The following SMYD3 variants were observed in gnomAD, a reference collection of about 807,000 sequenced individuals.
SMYD3 encodes the protein SET and MYND domain containing 3, also known as histone-lysine N-methyltransferase SMYD3.
A neutral mutation model predicts 57.7 loss-of-function variants in SMYD3; 36 were observed. The observed-to-expected ratio is 0.62, with a 90% CI of 0.48 to 0.82. The LOEUF is 0.82. Among genes scored for constraint, SMYD3 ranks in the 40% least tolerant of loss-of-function variants. The pLI, the probability that SMYD3 is intolerant of heterozygous loss-of-function variation, is 0.00. For missense variants in SMYD3, 515 were observed against 538.8 expected (o/e 0.96, Z 0.44); for synonymous variants, 211 against 195.0 (o/e 1.08, Z -0.68).
At chr1:246,154,763 T>A (rs1382142570) in intron 5 of SMYD3, among the ~76,000 whole-genome samples, 1 of 152,010 alleles carries the variant, frequency 6.6e-6, no homozygotes, top group Non-Finnish European at 1.5e-5. Flanking sequence ...AACAATGTTT[T>A]TTTTTTGTTT....
At chr1:246,320,395 AAAG>A (rs1239856513) in intron 5 of SMYD3, among the ~76,000 whole-genome samples, 1 of 152,202 alleles carries the variant, frequency 6.6e-6, no homozygotes, top group African/African-American at 2.4e-5. Context: ...AATTTGAAAG[AAAG>A]AAGGAGAGAA....
At chr1:246,401,451 A>C (rs2066767452) in intron 1 of SMYD3, among the ~76,000 whole-genome samples, 1 of 151,932 alleles carries the variant, frequency 6.6e-6, no homozygotes, top group Non-Finnish European at 1.5e-5. Flanking sequence ...CTCCTGCCTC[A>C]GCCTACCAAG....
At chr1:245,812,453 A>T (rs1180042452) in intron 10 of SMYD3, among the ~76,000 whole-genome samples, 1 of 152,188 alleles carries the variant, frequency 6.6e-6, no homozygotes, top group Admixed American at 6.5e-5. Flanking sequence ...ACCGTCAGGA[A>T]GACATTGGTC....
chr1:245,815,069 C>T (rs187500574), intron 10 of SMYD3, among the ~76,000 whole-genome samples: 10 of 152,280 alleles, frequency 6.6e-5, no homozygotes, highest in South Asian at 2.1e-4. Context: ...TTGATCCATC[C>T]GCTAAATCTT....
intron 5 of SMYD3, among the ~76,000 whole-genome samples, chr1:246,083,505 G>C (rs946389463): frequency 1.1e-4 from 2 of 17,700 alleles, no homozygotes; most frequent in African/African-American, 4.1e-4. Flanking sequence ...TCAGAGGCTG[G>C]TGCCGGCGCG....
At chr1:246,444,413 C>T (rs938293327) in intron 1 of SMYD3, among the ~76,000 whole-genome samples, 10 of 152,148 alleles carry the variant, frequency 6.6e-5, no homozygotes, top group East Asian at 1.9e-4. Context: ...CATGAGCCAT[C>T]GCGCCCAGCC....
At chr1:246,504,441 ATG>A (rs1447295847) in intron 1 of SMYD3, among the ~76,000 whole-genome samples, 1 of 152,232 alleles carries the variant, frequency 6.6e-6, no homozygotes, top group African/African-American at 2.4e-5. Context: ...CTGTAAAACA[ATG>A]GTAAGTATTT....
intron 5 of SMYD3, among the ~76,000 whole-genome samples, chr1:246,248,438 A>G (rs1055953049): frequency 6.6e-6 from 1 of 152,064 alleles, no homozygotes; most frequent in Non-Finnish European, 1.5e-5. Context: ...GACTTTTTGG[A>G]AAGTAATTTG....
intron 5 of SMYD3, among the ~76,000 whole-genome samples, chr1:245,949,887 C>G (rs113433124): frequency 0.067 from 9,950 of 147,434 alleles, 398 homozygotes; most frequent in South Asian, 0.12. Flanking sequence ...GTGCCCAACC[C>G]AAACACCACT....
At chr1:246,465,185 T>C (rs2067862960) in intron 1 of SMYD3, among the ~76,000 whole-genome samples, 1 of 152,192 alleles carries the variant, frequency 6.6e-6, no homozygotes, top group Non-Finnish European at 1.5e-5. Flanking sequence ...AGATGGTAAT[T>C]AATAAAAGAG....
At chr1:246,111,701 G>A (rs181010589) in intron 5 of SMYD3, among the ~76,000 whole-genome samples, 137 of 152,266 alleles carry the variant, frequency 9.0e-4, no homozygotes, top group Non-Finnish European at 1.7e-3. Flanking sequence ...TCCCCTTTGC[G>A]TCCCACAGCA....
chr1:246,433,050 T>A (rs1180106483), intron 1 of SMYD3, among the ~76,000 whole-genome samples: 2 of 152,202 alleles, frequency 1.3e-5, no homozygotes, highest in Admixed American at 1.3e-4. Flanking sequence ...GCAGACAATA[T>A]GATTCTATAC....
chr1:245,763,447 C>T (rs56283314), intron 11 of SMYD3, among the ~76,000 whole-genome samples: 16,689 of 152,144 alleles, frequency 0.11, 1,072 homozygotes, highest in East Asian at 0.31. Flanking sequence ...TCAGCAGAGT[C>T]CTGCCAAGCC....
At chr1:246,314,540 G>A (rs770266936) in intron 5 of SMYD3, among the ~76,000 whole-genome samples, 14 of 152,130 alleles carry the variant, frequency 9.2e-5, no homozygotes, top group African/African-American at 1.9e-4. Context: ...AAAGGAGTGC[G>A]GCACTAGGAA....
intron 5 of SMYD3, among the ~76,000 whole-genome samples, chr1:246,105,591 C>T (rs559017661): frequency 4.6e-5 from 7 of 152,230 alleles, no homozygotes; most frequent in African/African-American, 1.7e-4. Context: ...GAAAGAAAGA[C>T]TAAAGAGCAT....
intron 5 of SMYD3, among the ~76,000 whole-genome samples, chr1:246,102,537 A>G (rs1416339300): frequency 6.6e-6 from 1 of 152,116 alleles, no homozygotes; most frequent in Non-Finnish European, 1.5e-5. Context: ...GGCCCCAGCC[A>G]TCTCTTCCTC....
chr1:246,306,341 C>T (rs1452793625), intron 5 of SMYD3, among the ~76,000 whole-genome samples: 4 of 151,598 alleles, frequency 2.6e-5, no homozygotes, highest in East Asian at 1.9e-4. Context: ...AGCAAGACTC[C>T]GTCTCAAAAA....
rs182642403 is a variant in SMYD3, at chr1:245,751,802, C to T, written c.1186-2138G>A. On this transcript the variant is annotated intron_variant, in intron 11 of 11. Coordinates refer to ENST00000490107, the MANE Select transcript of SMYD3 (RefSeq NM_001167740.2). ...GATGCTGGCGGTGGGAATTGACTTC[C>T]TATTCATGCGAGCAAGTCTGCTCTG... Among the ~76,000 whole-genome samples the T allele has an allele frequency of 4.2e-3, 634 of 152,266 alleles. 2 individuals carry two copies. Among genetic ancestry groups the T allele is most frequent in the Middle Eastern group, 0.017 (5 of 294 alleles).
intron 5 of SMYD3, among the ~76,000 whole-genome samples, chr1:245,931,401 C>T (rs951382691): frequency 3.3e-5 from 5 of 152,036 alleles, no homozygotes; most frequent in East Asian, 3.9e-4. Flanking sequence ...GGATAATGCT[C>T]GAGTTTTTGG....
Sources: allele counts gnomAD v4.1 joint callset (sites outside exome capture counted in the v4.1 genomes callset), GRCh38; gene constraint gnomAD v4.1.1; transcripts MANE v1.5; gene names NCBI Gene and HGNC (gene_info 2026-07-23, HGNC 2026-07-21).